Variants in ESF1 observed in about 807,000 individuals in gnomAD.
ESF1 encodes the protein ESF1 nucleolar pre-rRNA processing protein.
A neutral mutation model predicts 92.0 loss-of-function variants in ESF1; 58 were observed. That is an observed-to-expected ratio of 0.63 (90% CI 0.51 to 0.78). The LOEUF (loss-of-function observed/expected upper bound fraction) is 0.78. Among genes scored for constraint, ESF1 ranks in the 30% least tolerant of loss-of-function variants. The pLI is 0.00. For synonymous variants in ESF1, 321 were observed against 313.7 expected (o/e 1.02, Z -0.24); for missense variants, 922 against 989.1 (o/e 0.93, Z 0.91).
chr20:13,733,885 T>C (rs1484265870), intron 9 of ESF1, 43 bp from the exon 10 acceptor site: 3 of 1,559,492 alleles, frequency 1.9e-6, no homozygotes, highest in Non-Finnish European at 2.6e-6. Context: ...TGTCTTATTG[T>C]CTGGCAATCA....
chr20:13,739,285 G>A (rs569754072), intron 9 of ESF1, among the ~76,000 whole-genome samples: 6 of 152,016 alleles, frequency 3.9e-5, no homozygotes, highest in South Asian at 4.2e-4. Context: ...CTTCCAAATC[G>A]CCTTTTACTC....
chr20:13,769,146 T>C (rs557051084), intron 7 of ESF1, among the ~76,000 whole-genome samples: 1 of 152,342 alleles, frequency 6.6e-6, no homozygotes, highest in African/African-American at 2.4e-5. Flanking sequence ...CACTTCCCCT[T>C]ATTCCCTAGG....
chr20:13,758,402 A>ACAAAG (rs1410367878), intron 9 of ESF1, among the ~76,000 whole-genome samples: 2 of 152,212 alleles, frequency 1.3e-5, no homozygotes, highest in Non-Finnish European at 2.9e-5. Context: ...TTTAAAACAA[A>ACAAAG]TGGGTTGCAA....
chr20:13,764,861 C>T (rs544238046), intron 8 of ESF1, among the ~76,000 whole-genome samples: 13 of 151,732 alleles, frequency 8.6e-5, no homozygotes, highest in South Asian at 4.2e-4. Flanking sequence ...AGTTCAAACC[C>T]GTGTTGTTCA....
chr20:13,735,620 A>AG (rs2049970999), intron 9 of ESF1, among the ~76,000 whole-genome samples: 1 of 152,186 alleles, frequency 6.6e-6, no homozygotes, highest in Non-Finnish European at 1.5e-5. Context: ...CCCATAGGTC[A>AG]GCACACAATC....
At chr20:13,749,491 G>A (rs775365981) in intron 9 of ESF1, among the ~76,000 whole-genome samples, 1 of 152,068 alleles carries the variant, frequency 6.6e-6, no homozygotes, top group Non-Finnish European at 1.5e-5. Context: ...GGTTTTCAAG[G>A]TCATGCTAAA....
At chr20:13,737,140 C>A (rs2049980517) in intron 9 of ESF1, among the ~76,000 whole-genome samples, 1 of 152,178 alleles carries the variant, frequency 6.6e-6, no homozygotes, top group Admixed American at 6.5e-5. Context: ...ATTGTAACTG[C>A]TTTTAGTTTT....
chr20:13,771,721 C>T (rs993430349), intron 5 of ESF1, among the ~76,000 whole-genome samples: 15 of 152,016 alleles, frequency 9.9e-5, no homozygotes, highest in African/African-American at 3.1e-4. Flanking sequence ...TGTGGGAATT[C>T]GTGTGTTTAT....
chr20:13,753,628 G>C (rs1978741593), intron 9 of ESF1, among the ~76,000 whole-genome samples: 1 of 151,864 alleles, frequency 6.6e-6, no homozygotes, highest in Non-Finnish European at 1.5e-5. Flanking sequence ...TCCTCTGAAC[G>C]TACCTTTGGC....
At chr20:13,727,562 A>G (rs1225998470) in intron 11 of ESF1, among the ~76,000 whole-genome samples, 1 of 152,170 alleles carries the variant, frequency 6.6e-6, no homozygotes, top group Non-Finnish European at 1.5e-5. Flanking sequence ...GTGTGGTATA[A>G]TGATCGGGGA....
rs755858604 is a variant in ESF1, at chr20:13,759,722, C to A, written c.1798G>T (p.Asp600Tyr). The change falls in exon 9 of 14, where the codon GAT becomes TAT. Residue 600 changes from aspartate (D) to tyrosine (Y), a missense_variant. Asp to Tyr is a radical substitution (Grantham distance 160). Transcript: ENST00000617257. ...ACCCATTTAATTTCCATTTCCATAT[C>A]ATTTTCTTTGCCTTTCTTTTCTTTT... is the stretch of plus-strand genomic sequence containing the variant. The part of the protein sequence containing the change: ...QEKEKKGKEN[D>Y]MEMEIKWVPG... 1.3e-6 allele frequency: 2 copies of A among 1,573,008 alleles called. No homozygotes were observed. The highest frequency in any genetic ancestry group is 2.1e-5 in the Admixed American group (1 of 46,676).
chr20:13,766,022 A>G (rs1279874171), intron 8 of ESF1, among the ~76,000 whole-genome samples: 2 of 152,356 alleles, frequency 1.3e-5, no homozygotes, highest in East Asian at 3.8e-4. Context: ...GGAGAGGTCT[A>G]TCAGCAGATT....
chr20:13,735,747 T>C (rs924990984), intron 9 of ESF1, among the ~76,000 whole-genome samples: 10 of 152,178 alleles, frequency 6.6e-5, no homozygotes, highest in Admixed American at 2.6e-4. Flanking sequence ...TACTTCAAAA[T>C]ACTAAACTAA....
rs556109638 is a variant in ESF1 at position 13,760,586 on chromosome 20, C to T, written c.1667-733G>A. ...GCCGCCCCATCTGGGAAGTGAGGAG[C>T]CCCTCCGCCCGGCAGCCACCCCGTC... On this transcript the variant is annotated intron_variant, in intron 8 of 13. Coordinates refer to ENST00000617257, the MANE Select transcript of ESF1 (RefSeq NM_001276380.2). Among the ~76,000 whole-genome samples, 1,208 of 150,372 alleles carry T rather than the reference C, an allele frequency of 8.0e-3. 6 individuals are homozygous for T. The highest frequency in any genetic ancestry group is 0.028 in the African/African-American group (1,137 of 40,850).
intron 9 of ESF1, among the ~76,000 whole-genome samples, chr20:13,757,573 A>AT (rs1048579574): frequency 2.6e-5 from 4 of 151,948 alleles, no homozygotes; most frequent in African/African-American, 7.2e-5. Flanking sequence ...TAATTTTTGT[A>AT]TTTTTTTGTA....
chr20:13,767,363 C>T (rs950539572), intron 7 of ESF1, among the ~76,000 whole-genome samples: 3 of 151,958 alleles, frequency 2.0e-5, no homozygotes, highest in Admixed American at 1.3e-4. Context: ...CCCATCTCTA[C>T]ATGAAAAATT....
In ESF1 at chr20:13,715,170, G is replaced by T; in HGVS notation, c.2263-3C>A. ...AACCGTGCATCGTTAACATTTACCTGCAAATCCAAAAAAAAAAAAAATTAA... is the reference window on the plus strand; with the variant it reads ...AACCGTGCATCGTTAACATTTACCTTCAAATCCAAAAAAAAAAAAAATTAA... On this transcript the variant is annotated splice_polypyrimidine_tract_variant and splice_region_variant and intron_variant, in intron 13 of 13. Transcript: ENST00000617257. The T allele has an allele frequency of 7.0e-7, 1 of 1,423,798 alleles. No homozygotes were observed. The highest frequency in any genetic ancestry group is 1.7e-5 in the South Asian group (1 of 57,570). The allele number at this position is 1,423,798 out of a possible 1,614,324, so 88.2% of individuals were successfully genotyped here.
chr20:13,782,353 C>A (rs751732683), intron 2 of ESF1, 151 bp downstream of exon 2: 37 of 627,434 alleles, frequency 5.9e-5, no homozygotes, highest in Non-Finnish European at 7.8e-5. Context: ...ATAATCACTG[C>A]ATATTTCTTT....
chr20:13,719,643 T>A (rs1220982052), intron 11 of ESF1, among the ~76,000 whole-genome samples: 1 of 152,028 alleles, frequency 6.6e-6, no homozygotes, highest in Non-Finnish European at 1.5e-5. Flanking sequence ...GCAGGTGAAT[T>A]TAAGAGTTAA....
Sources: allele counts gnomAD v4.1 joint callset (sites outside exome capture counted in the v4.1 genomes callset), GRCh38; gene constraint gnomAD v4.1.1; transcripts MANE v1.5; gene names NCBI Gene and HGNC (gene_info 2026-07-23, HGNC 2026-07-21).